GPAM: variants seen among roughly 807,000 people sequenced by gnomAD.
GPAM encodes glycerol-3-phosphate acyltransferase, mitochondrial.
Under a neutral mutation model 105.0 loss-of-function variants are expected in GPAM, and 56 were observed. The ratio of observed to expected loss-of-function variants is 0.53; its 90% CI spans 0.43 to 0.67. The LOEUF is 0.67. Among genes scored for constraint, GPAM ranks in the 30% least tolerant of loss-of-function variants. The pLI is 0.00. For missense variants in GPAM, 855 were observed against 989.8 expected (o/e 0.86, Z 1.83); for synonymous variants, 368 against 354.4 (o/e 1.04, Z -0.43).
Position 112,153,539 on chromosome 10 carries a change from C to A in GPAM, c.*11G>T. On this transcript the variant is annotated 3_prime_UTR_variant, in exon 22 of 22. Transcript: ENST00000348367. The stretch of plus-strand genomic sequence containing the variant: ...TCATGACCTTCATTTGCCAGCAGTG[C>A]CACACGTTACCTACAGCACCACAAA... 2.5e-6 allele frequency: 4 copies of A among 1,613,702 alleles called. No individual in the cohort carries two copies. Among genetic ancestry groups the A allele is most frequent in the Non-Finnish European group, 3.4e-6 (4 of 1,179,694 alleles).
intron 1 of GPAM, among the ~76,000 whole-genome samples, chr10:112,194,345 A>G (rs77626056): frequency 0.039 from 6,016 of 152,320 alleles, 396 homozygotes; most frequent in African/African-American, 0.14. Context: ...GTAATGTAGA[A>G]TGAAGAGACT....
chr10:112,165,286 G>A (rs1482901563), intron 12 of GPAM, among the ~76,000 whole-genome samples: 2 of 152,096 alleles, frequency 1.3e-5, no homozygotes, highest in Non-Finnish European at 2.9e-5. Flanking sequence ...AGGGCCTCAG[G>A]GACCTGCCAG....
At chr10:112,182,952 G>T (rs1433629014) in intron 1 of GPAM, 61 bp from the exon 2 acceptor site, 1 of 152,244 alleles carries the variant, frequency 6.6e-6, no homozygotes, top group African/African-American at 2.4e-5. Flanking sequence ...TGTGCCAACA[G>T]GAGGTCCACG....
chr10:112,169,318 T>C (rs1847273821), intron 9 of GPAM, among the ~76,000 whole-genome samples: 1 of 152,186 alleles, frequency 6.6e-6, no homozygotes, highest in East Asian at 1.9e-4. Context: ...CCCTTAGACA[T>C]TCTGAAATTT....
the GPAM span, among the ~76,000 whole-genome samples, chr10:112,224,284 A>C: frequency 6.6e-6 from 1 of 152,244 alleles, no homozygotes; most frequent in African/African-American, 2.4e-5. Flanking sequence ...AAATTATTTC[A>C]TACACAATGA....
chr10:112,181,908 T>C, intron 2 of GPAM, 95 bp from the exon 3 acceptor site: 1 of 686,240 alleles, frequency 1.5e-6, no homozygotes, highest in Non-Finnish European at 2.7e-6. Context: ...TGCTCCACAA[T>C]GGGATATCAC....
upstream of GPAM, among the ~76,000 whole-genome samples, chr10:112,218,330 G>A (rs1428118341): frequency 1.3e-5 from 2 of 152,318 alleles, no homozygotes; most frequent in South Asian, 4.1e-4. Flanking sequence ...TGGCTACAAA[G>A]GAGAGAAAAC....
In GPAM at chr10:112,151,424, G is replaced by C; in HGVS notation, c.*2126C>G. On this transcript the variant is annotated 3_prime_UTR_variant, in exon 22 of 22. Coordinates refer to ENST00000348367, the MANE Select transcript of GPAM (RefSeq NM_001244949.2). Reference sequence around the variant, plus strand: ...TCTGGATGAGCATAACTTTGGTTGAGATTTTTCTCCCTTAAAAAAGATTTT... The same window carrying C: ...TCTGGATGAGCATAACTTTGGTTGACATTTTTCTCCCTTAAAAAAGATTTT... 1.0e-6 allele frequency: 1 copy of C among 985,670 alleles called. No homozygotes were observed. The highest frequency in any genetic ancestry group is 1.2e-6 in the Non-Finnish European group (1 of 829,804). The allele number at this position is 985,670 out of a possible 1,614,324, so 61.1% of individuals were successfully genotyped here.
rs372738092 is a variant in GPAM, at chr10:112,155,901, G to A, written c.2274C>T (p.Tyr758=). 5 of 1,609,270 alleles carry A rather than the reference G, an allele frequency of 3.1e-6. No homozygotes were observed. The highest frequency in any genetic ancestry group is 1.3e-5 in the African/African-American group (1 of 74,896). ...CATTTCTTTCTGTTCTGGTTATTAG[G>A]TATTTGTGCAACTTTTGCAGATACT... The part of the protein sequence containing the change: ...EPEYLQKLHK[Y]LITRTERNVA... The change falls in exon 20 of 22, where the codon TAC becomes TAT. Residue 758 remains tyrosine (Y), a synonymous_variant. Coordinates refer to ENST00000348367, the MANE Select transcript of GPAM (RefSeq NM_001244949.2).
At chr10:112,225,624 A>C in the GPAM span, among the ~76,000 whole-genome samples, 1 of 152,158 alleles carries the variant, frequency 6.6e-6, no homozygotes, top group Non-Finnish European at 1.5e-5. Flanking sequence ...AGCAGTTCAC[A>C]GTCCCCTTTC....
intron 1 of GPAM, among the ~76,000 whole-genome samples, chr10:112,210,074 C>T (rs1442108020): frequency 2.0e-5 from 3 of 152,188 alleles, no homozygotes; most frequent in Non-Finnish European, 4.4e-5. Context: ...ACGCAGGGTC[C>T]CTGTTTTACG....
At chr10:112,211,007 G>A (rs926115884) in intron 1 of GPAM, among the ~76,000 whole-genome samples, 1 of 152,220 alleles carries the variant, frequency 6.6e-6, no homozygotes, top group Non-Finnish European at 1.5e-5. Context: ...TGGGTTAACT[G>A]CCCAGGCAGG....
chr10:112,188,596 A>G (rs1347232027), upstream of GPAM, among the ~76,000 whole-genome samples: 2 of 152,184 alleles, frequency 1.3e-5, no homozygotes, highest in Non-Finnish European at 2.9e-5. Context: ...GAATTGTGAT[A>G]CCTAAGCCAA....
At position 112,150,391 on chromosome 10, in the gene GPAM, T is replaced by TTCTC. The variant is rs1460060834; in HGVS notation, c.*3155_*3158dup. The TTCTC allele has an allele frequency of 5.1e-6, 5 of 985,668 alleles. No homozygotes were observed. The highest frequency in any genetic ancestry group is 6.1e-5 in the Admixed American group (1 of 16,270). The allele number at this position is 985,668 out of a possible 1,614,324, so 61.1% of individuals were successfully genotyped here. A position where few individuals can be genotyped will look rare whatever the true frequency, so the allele number is the denominator to read the frequency against. On this transcript the variant is annotated 3_prime_UTR_variant, in exon 22 of 22. Transcript: ENST00000348367. ...GAAAAAGCCAGGATCATTGGGGCTG[T>TTCTC]TCTCTCTATCAAAGGAAAGAGCTCC...
chr10:112,181,840 T>C, intron 2 of GPAM, 27 bp from the exon 3 acceptor site: 2 of 967,996 alleles, frequency 2.1e-6, no homozygotes, highest in South Asian at 1.3e-5. Context: ...CCATTTAAAT[T>C]AACAAGGAAT....
At chr10:112,186,182 ACAG>A (rs1284124067), upstream of GPAM, among the ~76,000 whole-genome samples, 2 of 152,114 alleles carry the variant, frequency 1.3e-5, no homozygotes, top group Non-Finnish European at 2.9e-5. Context: ...GATAAGAATG[ACAG>A]CAGATTTCAC....
rs1347848970 is a variant in GPAM at position 112,168,315 on chromosome 10, T to C, written c.1104A>G (p.Gln368=). 1 of 1,548,586 alleles carries C rather than the reference T, an allele frequency of 6.5e-7. No individual in the cohort carries two copies. Among genetic ancestry groups the C allele is most frequent in the East Asian group, 2.2e-5 (1 of 44,536 alleles). Residue 368 remains glutamine, a synonymous_variant, in exon 11 of 22, where the codon CAA becomes CAG. Transcript: ENST00000348367. The stretch of plus-strand genomic sequence containing the variant: ...ACTTTTGTGTAGGTACCCTTACCAG[T>C]TGTTCACCATTGTAGTGACCTTCGA... ...RIIEGHYNGE[Q]LGKPKKNESL...
At chr10:112,157,948 A>T (rs1200547080) in intron 18 of GPAM, among the ~76,000 whole-genome samples, 1 of 152,196 alleles carries the variant, frequency 6.6e-6, no homozygotes, top group African/African-American at 2.4e-5. Flanking sequence ...TGGTTTGTTT[A>T]CTTATTTATG....
At chr10:112,212,715 G>A (rs1421799448) in intron 1 of GPAM, among the ~76,000 whole-genome samples, 1 of 152,168 alleles carries the variant, frequency 6.6e-6, no homozygotes, top group East Asian at 1.9e-4. Flanking sequence ...TTACCAGCTT[G>A]GGCATATTCC....
Sources: allele counts gnomAD v4.1 joint callset (sites outside exome capture counted in the v4.1 genomes callset), GRCh38; gene constraint gnomAD v4.1.1; transcripts MANE v1.5; gene names NCBI Gene and HGNC (gene_info 2026-07-23, HGNC 2026-07-21).